ZNF804A: variants seen among roughly 807,000 people sequenced by gnomAD.
The protein encoded by ZNF804A is zinc finger protein 804A.
Under a neutral mutation model 16.5 loss-of-function variants are expected in ZNF804A, and 2 were observed. The ratio of observed to expected loss-of-function variants is 0.12; its 90% CI spans 0.05 to 0.38. The LOEUF is 0.38. Ranked by LOEUF, ZNF804A falls within the 10% of genes least tolerant of loss-of-function variation. ZNF804A has a pLI of 0.99. For missense variants in ZNF804A, 1,473 were observed against 1,390.7 expected, an observed-to-expected ratio of 1.06 and a Z score of -0.94; for synonymous variants, 534 against 489.6, an observed-to-expected ratio of 1.09 and a Z score of -1.20.
chr2:184,845,353 C>T (rs781719267), intron 1 of ZNF804A, among the ~76,000 whole-genome samples: 21 of 152,128 alleles, frequency 1.4e-4, no homozygotes, highest in African/African-American at 3.1e-4. Context: ...ACATTAGCCT[C>T]TTAATGTCTC....
At chr2:184,861,394 TAG>T (rs1228572906) in intron 1 of ZNF804A, among the ~76,000 whole-genome samples, 3 of 152,204 alleles carry the variant, frequency 2.0e-5, no homozygotes, top group African/African-American at 7.2e-5. Flanking sequence ...TGTGTGTGAA[TAG>T]TTGTTTAAAT....
intron 1 of ZNF804A, among the ~76,000 whole-genome samples, chr2:184,784,528 T>C (rs950952277): frequency 1.3e-5 from 2 of 151,978 alleles, no homozygotes; most frequent in Non-Finnish European, 1.5e-5. Flanking sequence ...GGCTTCACTT[T>C]AAGTAACTGA....
At position 184,935,770 on chromosome 2, in the gene ZNF804A, T is replaced by A; in HGVS notation, c.387-13T>A. 3 of 1,565,198 alleles carry A rather than the reference T, an allele frequency of 1.9e-6. No homozygotes were observed. The highest frequency in any genetic ancestry group is 2.6e-6 in the Non-Finnish European group (3 of 1,158,776). ...GTGTGCTATTTAACACATGCTTCTG[T>A]TTCTCTCTCTAGTGCTCCTGGAAGT... On this transcript the variant is annotated splice_polypyrimidine_tract_variant and intron_variant, in intron 3 of 3. Coordinates refer to ENST00000302277, the MANE Select transcript of ZNF804A (RefSeq NM_194250.2).
At position 184,726,995 on chromosome 2, in the gene ZNF804A, G is replaced by A. The variant is rs1280113560; in HGVS notation, c.111+127925G>A. 2.6e-5 allele frequency among the ~76,000 whole-genome samples: 4 copies of A among 151,488 alleles called. No individual in the cohort carries two copies. The East Asian group carries it at 7.7e-4, about 29-fold the overall frequency. ...CACTACAAACATTGAGGAGTTACGT[G>A]GAATTGGAAAATAGTCTCCTTGGTA... On this transcript the variant is annotated intron_variant, in intron 1 of 3. Transcript: ENST00000302277.
intron 1 of ZNF804A, among the ~76,000 whole-genome samples, chr2:184,817,304 C>T (rs1329304374): frequency 2.0e-5 from 3 of 151,530 alleles, no homozygotes; most frequent in East Asian, 1.9e-4. Context: ...CTACAGCAGC[C>T]CTATAGAAAA....
chr2:184,683,728 C>T (rs572935524), intron 1 of ZNF804A, among the ~76,000 whole-genome samples: 1 of 152,094 alleles, frequency 6.6e-6, no homozygotes, highest in South Asian at 2.1e-4. Context: ...GAGGTCTATC[C>T]AAGAATATGA....
Position 184,732,642 on chromosome 2 carries a change from G to C in ZNF804A, c.111+133572G>C, listed in dbSNP as rs994762539. ...GAAGTAGTGACATCTCAAATATATT[G>C]AGATTTCCCATCCATGAACATGGAA... On this transcript the variant is annotated intron_variant, in intron 1 of 3. Coordinates refer to ENST00000302277, the MANE Select transcript of ZNF804A (RefSeq NM_194250.2). 5.3e-5 allele frequency among the ~76,000 whole-genome samples: 8 copies of C among 152,094 alleles called. No individual in the cohort carries two copies. The East Asian group carries it at 1.5e-3, about 29-fold the overall frequency.
intron 1 of ZNF804A, among the ~76,000 whole-genome samples, chr2:184,782,447 C>G (rs1408383816): frequency 6.6e-6 from 1 of 151,194 alleles, no homozygotes. Context: ...AACAAATAAA[C>G]AAAACAACAA....
intron 1 of ZNF804A, among the ~76,000 whole-genome samples, chr2:184,799,652 T>C (rs1420522357): frequency 6.6e-6 from 1 of 152,162 alleles, no homozygotes; most frequent in Non-Finnish European, 1.5e-5. Flanking sequence ...AACTACCAAG[T>C]AGCTGGAACC....
At chr2:184,817,175 A>C (rs1457039070) in intron 1 of ZNF804A, among the ~76,000 whole-genome samples, 1 of 151,904 alleles carries the variant, frequency 6.6e-6, no homozygotes, top group Non-Finnish European at 1.5e-5. Context: ...CCTTTCTGGG[A>C]CAGAGCTCCC....
intron 1 of ZNF804A, among the ~76,000 whole-genome samples, chr2:184,605,928 A>G (rs1440880786): frequency 6.6e-6 from 1 of 152,166 alleles, no homozygotes; most frequent in Non-Finnish European, 1.5e-5. Flanking sequence ...CATGGTTGTC[A>G]AAGTAAACAA....
At chr2:184,933,853 T>A in intron 3 of ZNF804A, 120 bp downstream of exon 3, 2 of 972,676 alleles carry the variant, frequency 2.1e-6, no homozygotes, top group Non-Finnish European at 1.5e-6. Flanking sequence ...GGCACACATG[T>A]TTTCATGGCC....
At chr2:184,908,942 T>C (rs1189360900) in intron 2 of ZNF804A, among the ~76,000 whole-genome samples, 1 of 152,174 alleles carries the variant, frequency 6.6e-6, no homozygotes, top group Non-Finnish European at 1.5e-5. Flanking sequence ...TCTCCCTTGC[T>C]CTGTGACTTT....
intron 1 of ZNF804A, among the ~76,000 whole-genome samples, chr2:184,807,532 T>C (rs1346447717): frequency 1.3e-5 from 2 of 151,830 alleles, no homozygotes; most frequent in Non-Finnish European, 3.0e-5. Context: ...GATTCTTTTT[T>C]TGTCTTCAAA....
intron 1 of ZNF804A, among the ~76,000 whole-genome samples, chr2:184,724,284 C>CCACA (rs1368974054): frequency 2.6e-5 from 4 of 151,650 alleles, no homozygotes; most frequent in African/African-American, 9.7e-5. Flanking sequence ...AAATGAAGTA[C>CCACA]CGCATGTAGA....
At chr2:184,708,913 G>A (rs904618283) in intron 1 of ZNF804A, among the ~76,000 whole-genome samples, 1 of 151,882 alleles carries the variant, frequency 6.6e-6, no homozygotes, top group African/African-American at 2.4e-5. Flanking sequence ...TCTTACTACT[G>A]TAGTCCCATC....
chr2:184,876,806 CT>C (rs1684691962), intron 2 of ZNF804A, among the ~76,000 whole-genome samples: 1 of 152,072 alleles, frequency 6.6e-6, no homozygotes, highest in Non-Finnish European at 1.5e-5. Context: ...GACTCAGCCC[CT>C]GTTGAGGGTA....
intron 1 of ZNF804A, among the ~76,000 whole-genome samples, chr2:184,813,993 CTTTTTTTTTTTTTTT>C (rs1163432699): frequency 4.1e-5 from 2 of 49,196 alleles, no homozygotes; most frequent in East Asian, 1.5e-3. Flanking sequence ...AGAAAGGCAG[CTTTTTTTTTTTTTTT>C]TTTTTTTTTT....
chr2:184,935,366 G>A (rs1685767519), intron 3 of ZNF804A, among the ~76,000 whole-genome samples: 1 of 152,076 alleles, frequency 6.6e-6, no homozygotes, highest in Non-Finnish European at 1.5e-5. Flanking sequence ...TCATGATTAA[G>A]GGTTTTGTTT....
Sources: gnomAD v4.1 joint callset for allele counts (sites outside exome capture counted in the v4.1 genomes callset) on GRCh38, gnomAD v4.1.1 for gene constraint, MANE v1.5 for transcripts, NCBI Gene and HGNC (gene_info 2026-07-23, HGNC 2026-07-21) for gene names.